The following CDH12 variants were observed in gnomAD, a reference collection of about 807,000 sequenced individuals.
The protein encoded by CDH12 is cadherin 12.
CDH12 carries 41 observed loss-of-function variants against 74.1 expected under a neutral mutation model. That is an observed-to-expected ratio of 0.55 (90% CI 0.43 to 0.72). CDH12 has a LOEUF of 0.72. Among genes scored for constraint, CDH12 ranks in the 30% least tolerant of loss-of-function variants. The pLI is 0.00. For missense variants in CDH12, 945 were observed against 977.2 expected (o/e 0.97, Z 0.44); for synonymous variants, 399 against 355.0 (o/e 1.12, Z -1.39).
chr5:22,851,759 AG>A (rs1737567101), intron 1 of CDH12, among the ~76,000 whole-genome samples: 2 of 152,210 alleles, frequency 1.3e-5, no homozygotes, highest in African/African-American at 2.4e-5. Context: ...ACATTCTGCT[AG>A]AATCATGGAA....
chr5:22,078,405 C>A (rs746570853), intron 5 of CDH12, 41 bp downstream of exon 5: 7 of 1,563,536 alleles, frequency 4.5e-6, no homozygotes, highest in Non-Finnish European at 6.2e-6. Context: ...TGCATATTCC[C>A]CCTTCCTATC....
chr5:22,342,479 T>TAC lies in CDH12; in HGVS notation c.-333+62777_-333+62778insGT, dbSNP rs1739896375. 6.6e-5 allele frequency among the ~76,000 whole-genome samples: 10 copies of TAC among 152,222 alleles called. No homozygotes were observed. In the South Asian group the frequency reaches 2.1e-3, roughly 32 times the overall value. On this transcript the variant is annotated intron_variant, in intron 3 of 14. Transcript: ENST00000382254. ...TTACCATTTGTACTTACTGAGAATTTATAAAATGTCTATGTCCCCTGGTAT... is the reference window on the plus strand; with the variant it reads ...TTACCATTTGTACTTACTGAGAATTTACATAAAATGTCTATGTCCCCTGGTAT...
chr5:21,880,562 C>CCTTCCTTCCTTCCTTCCTT (rs1561268003), intron 6 of CDH12, among the ~76,000 whole-genome samples: 1 of 51,736 alleles, frequency 1.9e-5, no homozygotes, highest in South Asian at 7.3e-4. Flanking sequence ...TTCCTTCCTT[C>CCTTCCTTCCTTCCTTCCTT]CCTTCTTTCT....
chr5:22,655,388 T>TA (rs1739980211), intron 1 of CDH12, among the ~76,000 whole-genome samples: 1 of 152,138 alleles, frequency 6.6e-6, no homozygotes, highest in African/African-American at 2.4e-5. Context: ...CTTCCTTCTT[T>TA]AAAAAAATCA....
At chr5:21,756,524 A>C (rs995940160) in intron 13 of CDH12, among the ~76,000 whole-genome samples, 1 of 152,192 alleles carries the variant, frequency 6.6e-6, no homozygotes, top group Non-Finnish European at 1.5e-5. Context: ...ACTTGCAATA[A>C]TGTGAGACAA....
At chr5:21,906,996 A>G (rs1753670466) in intron 6 of CDH12, among the ~76,000 whole-genome samples, 1 of 152,146 alleles carries the variant, frequency 6.6e-6, no homozygotes, top group Non-Finnish European at 1.5e-5. Flanking sequence ...GTCTTGGTAG[A>G]GCCCAGCTCC....
chr5:21,848,485 T>C (rs1340092944), intron 7 of CDH12, among the ~76,000 whole-genome samples: 1 of 152,068 alleles, frequency 6.6e-6, no homozygotes, highest in African/African-American at 2.4e-5. Context: ...TGCATTATTT[T>C]ATGTGCAAAG....
At chr5:22,831,740 C>A (rs1474645312) in intron 1 of CDH12, among the ~76,000 whole-genome samples, 1 of 151,272 alleles carries the variant, frequency 6.6e-6, no homozygotes, top group East Asian at 2.0e-4. Context: ...ACTAAAAATA[C>A]AAAAAAAATT....
chr5:22,337,872 T>C (rs1274277129), intron 3 of CDH12, among the ~76,000 whole-genome samples: 4 of 152,158 alleles, frequency 2.6e-5, no homozygotes, highest in South Asian at 2.1e-4. Context: ...CAATGAAATA[T>C]CATCTTATCC....
At chr5:21,903,165 T>C (rs1313483968) in intron 6 of CDH12, among the ~76,000 whole-genome samples, 1 of 151,962 alleles carries the variant, frequency 6.6e-6, no homozygotes, top group East Asian at 1.9e-4. Flanking sequence ...GAAGAAACAA[T>C]AACGACAACA....
At chr5:22,512,736 T>A (rs1193046012) in intron 1 of CDH12, among the ~76,000 whole-genome samples, 1 of 152,122 alleles carries the variant, frequency 6.6e-6, no homozygotes, top group Non-Finnish European at 1.5e-5. Context: ...ATCAGAGAAA[T>A]TGCTGCTAAA....
At chr5:22,329,921 C>T (rs1323256250) in intron 3 of CDH12, among the ~76,000 whole-genome samples, 1 of 152,190 alleles carries the variant, frequency 6.6e-6, no homozygotes, top group Non-Finnish European at 1.5e-5. Context: ...GAAAGCCAGT[C>T]TAGGACACAA....
chr5:22,199,577 T>A (rs1750808835), intron 4 of CDH12, among the ~76,000 whole-genome samples: 1 of 152,316 alleles, frequency 6.6e-6, no homozygotes, highest in Admixed American at 6.5e-5. Context: ...GATCAGAGCA[T>A]AATTGGACCT....
At chr5:22,710,294 A>G (rs1392713146) in intron 1 of CDH12, among the ~76,000 whole-genome samples, 1 of 152,174 alleles carries the variant, frequency 6.6e-6, no homozygotes, top group Non-Finnish European at 1.5e-5. Flanking sequence ...TACAGTTAGG[A>G]GAAATTAAAT....
intron 2 of CDH12, among the ~76,000 whole-genome samples, chr5:22,415,553 T>C (rs1474442224): frequency 1.3e-5 from 2 of 152,172 alleles, no homozygotes; most frequent in East Asian, 1.9e-4. Flanking sequence ...TTCCTATGAA[T>C]ACTATTCACT....
intron 13 of CDH12, among the ~76,000 whole-genome samples, chr5:21,757,585 T>C (rs1744472384): frequency 6.6e-6 from 1 of 152,208 alleles, no homozygotes; most frequent in Non-Finnish European, 1.5e-5. Context: ...ACCTTACAAA[T>C]CTAATTCATT....
intron 1 of CDH12, among the ~76,000 whole-genome samples, chr5:22,834,259 G>C (rs145699657): frequency 6.6e-6 from 1 of 152,050 alleles, no homozygotes; most frequent in Non-Finnish European, 1.5e-5. Flanking sequence ...TGACAGCCAG[G>C]ATGCTGATTT....
intron 3 of CDH12, among the ~76,000 whole-genome samples, chr5:22,254,670 T>A (rs1175093990): frequency 6.6e-6 from 1 of 151,726 alleles, no homozygotes; most frequent in Non-Finnish European, 1.5e-5. Flanking sequence ...AAAATAAAAG[T>A]TAAAAAAAAT....
chr5:22,531,380 G>A (rs745795137), intron 1 of CDH12, among the ~76,000 whole-genome samples: 3 of 150,710 alleles, frequency 2.0e-5, no homozygotes, highest in Non-Finnish European at 4.4e-5. Context: ...AAACAGCTAA[G>A]AAACTCTGAA....
Sources: gnomAD v4.1 joint callset for allele counts (sites outside exome capture counted in the v4.1 genomes callset) on GRCh38, gnomAD v4.1.1 for gene constraint, MANE v1.5 for transcripts, NCBI Gene and HGNC (gene_info 2026-07-23, HGNC 2026-07-21) for gene names.